PPP1R12C: variants seen among roughly 807,000 people sequenced by gnomAD.
PPP1R12C encodes the protein leukocyte receptor cluster (LRC) encoded novel gene 3.
A neutral mutation model predicts 95.6 loss-of-function variants in PPP1R12C; 48 were observed. That is an observed-to-expected ratio of 0.50 (90% CI 0.40 to 0.64). PPP1R12C has a LOEUF of 0.64. Ranked by LOEUF, PPP1R12C falls within the 30% of genes least tolerant of loss-of-function variation. The probability of loss-of-function intolerance (pLI) is 0.00; values close to 1 mark genes in which losing one functional copy is unlikely to be tolerated. For synonymous variants in PPP1R12C, 480 were observed against 460.8 expected (o/e 1.04, Z -0.53); for missense variants, 1,057 against 1,083.3 (o/e 0.98, Z 0.34).
At chr19:55,094,584 A>C (rs1602974077) in intron 12 of PPP1R12C, 77 bp downstream of exon 12, 1 of 1,527,442 alleles carries the variant, frequency 6.5e-7, no homozygotes, top group East Asian at 2.3e-5. Context: ...GCCCACCCAA[A>C]GCCCCGGGAC....
Position 55,094,806 on chromosome 19 carries a change from A to C in PPP1R12C, c.1455-8T>G. 6.3e-7 allele frequency: 1 copy of C among 1,585,250 alleles called. No homozygotes were observed. Among genetic ancestry groups the C allele is most frequent in the Non-Finnish European group, 8.6e-7 (1 of 1,168,768 alleles). On this transcript the variant is annotated splice_region_variant and splice_polypyrimidine_tract_variant and intron_variant, in intron 11 of 21. Coordinates refer to ENST00000263433, the MANE Select transcript of PPP1R12C (RefSeq NM_017607.4). ...GGCTTGGTGACCTCAGACCTGCATC[A>C]ATTCATTCATTCCACAAACATTACC...
At chr19:55,112,932 T>A in intron 1 of PPP1R12C, 137 bp from the exon 2 acceptor site, 1 of 1,241,666 alleles carries the variant, frequency 8.1e-7, no homozygotes, top group African/African-American at 1.5e-5. Flanking sequence ...CAACAGCCTC[T>A]GGCCACTGGC....
chr19:55,113,946 C>T, intron 1 of PPP1R12C: 1 of 160,714 alleles, frequency 6.2e-6, no homozygotes, highest in South Asian at 1.7e-4. Flanking sequence ...AACCCCTCCC[C>T]ATTCAACCCA....
At position 55,096,305 on chromosome 19, in the gene PPP1R12C, G is replaced by C. The variant is rs202008761; in HGVS notation, c.982C>G (p.Arg328Gly). Residue 328 changes from arginine (R) to glycine (G), a missense_variant, in exon 7 of 22, where the codon CGG (arginine) becomes GGG (glycine). Physicochemically the swap from Arg to Gly is moderately radical, Grantham distance 125 (BLOSUM62 -2). This residue lies in a region of PPP1R12C where 356 missense variants were observed against 330.5 expected (regional missense o/e 1.08). Coordinates refer to ENST00000263433, the MANE Select transcript of PPP1R12C (RefSeq NM_017607.4). ...LRNQKEASQS[R>G]GQEPQAPSSS... is the part of the protein sequence containing the mutation. ...GAGGGCGCTTGGGGCTCCTGGCCCCGGCTCTGGGAAGCTTCTTTTTGGTTC... is the reference window on the plus strand; with the variant it reads ...GAGGGCGCTTGGGGCTCCTGGCCCCCGCTCTGGGAAGCTTCTTTTTGGTTC... The C allele has an allele frequency of 1.2e-6, 2 of 1,613,606 alleles. No homozygotes were observed. Among genetic ancestry groups the C allele is most frequent in the Non-Finnish European group, 1.7e-6 (2 of 1,179,922 alleles).
chr19:55,105,218 CT>C (rs1031021194), intron 3 of PPP1R12C, among the ~76,000 whole-genome samples: 1 of 152,140 alleles, frequency 6.6e-6, no homozygotes, highest in African/African-American at 2.4e-5. Context: ...CCACACCTGG[CT>C]GTGTCATTTC....
intron 7 of PPP1R12C, 28 bp from the exon 8 acceptor site, chr19:55,096,206 T>C (rs1391131829): frequency 6.2e-7 from 1 of 1,612,288 alleles, no homozygotes; most frequent in Non-Finnish European, 8.5e-7. Context: ...GGTGCTGGGG[T>C]ACAAGCCCGG....
chr19:55,117,631 G>C lies in PPP1R12C; in HGVS notation c.-88C>G, dbSNP rs2085171923. The stretch of plus-strand genomic sequence containing the variant: ...CCGCCCGCCCGCCCCGGGGGCCGCC[G>C]GGAACTGCCGCTGGCCCCCCACCGC... On this transcript the variant is annotated 5_prime_UTR_variant, in exon 1 of 22. Transcript: ENST00000263433. The C allele has an allele frequency of 1.3e-6, 1 of 776,974 alleles. No individual in the cohort carries two copies. Among genetic ancestry groups the C allele is most frequent in the Admixed American group, 1.2e-4 (1 of 8,538 alleles). 48.1% of individuals were successfully genotyped at this position (776,974 alleles called of 1,614,324 possible).
At chr19:55,111,037 T>A (rs2085089532) in intron 3 of PPP1R12C, among the ~76,000 whole-genome samples, 1 of 150,420 alleles carries the variant, frequency 6.6e-6, no homozygotes, top group African/African-American at 2.4e-5. Flanking sequence ...AACACAAATC[T>A]ATCAAAAAGT....
At chr19:55,102,514 A>C (rs925579681) in intron 4 of PPP1R12C, among the ~76,000 whole-genome samples, 3 of 152,240 alleles carry the variant, frequency 2.0e-5, no homozygotes, top group African/African-American at 7.2e-5. Flanking sequence ...TCCGTCTCAA[A>C]AACAAACAAA....
chr19:55,104,530 G>C (rs562981271), intron 3 of PPP1R12C, among the ~76,000 whole-genome samples: 2 of 151,278 alleles, frequency 1.3e-5, no homozygotes, highest in African/African-American at 4.9e-5. Flanking sequence ...TGTTGAAACC[G>C]TGTCTCTCCT....
Position 55,094,539 on chromosome 19 carries a change from C to A in PPP1R12C, c.1593-104G>T, listed in dbSNP as rs933951231. ...CAAGTTCTGTGGGAGGGGACTCCAA[C>A]TCCCAGCAGACCTGAGGCCAGCTCT... On this transcript the variant is annotated intron_variant, in intron 12 of 21. Coordinates refer to ENST00000263433, the MANE Select transcript of PPP1R12C (RefSeq NM_017607.4). The A allele has an allele frequency of 3.8e-6, 6 of 1,573,318 alleles. No individual in the cohort carries two copies. The Admixed American group carries it at 5.4e-5, about 14-fold the overall frequency.
At chr19:55,112,416 C>T (rs1427681200) in intron 3 of PPP1R12C, 51 bp downstream of exon 3, 2 of 1,527,754 alleles carry the variant, frequency 1.3e-6, no homozygotes, top group East Asian at 2.3e-5. Context: ...AGCCTGGAGA[C>T]CACGGGTGAG....
chr19:55,094,324 A>T, intron 13 of PPP1R12C, 21 bp downstream of exon 13: 1 of 1,370,392 alleles, frequency 7.3e-7, no homozygotes, highest in South Asian at 1.3e-5. Flanking sequence ...CCAGGAGTCC[A>T]GACCCCAGCC....
At position 55,117,572 on chromosome 19, in the gene PPP1R12C, C is replaced by A; in HGVS notation, c.-29G>T. ...ACCGCCCGCCCGCCCAGCGAGCGAG[C>A]GAGCGCCGAGCCCCAACCGCCGCCA... is the stretch of plus-strand genomic sequence containing the variant. On this transcript the variant is annotated 5_prime_UTR_variant, in exon 1 of 22. Transcript: ENST00000263433. The A allele has an allele frequency of 1.0e-6, 1 of 989,856 alleles. No homozygotes were observed. Among genetic ancestry groups the A allele is most frequent in the South Asian group, 4.5e-5 (1 of 22,082 alleles). The allele number at this position is 989,856 out of a possible 1,614,324, so 61.3% of individuals were successfully genotyped here.
chr19:55,093,109 G>A (rs1442016493), intron 14 of PPP1R12C, 33 bp from the exon 15 acceptor site: 17 of 1,612,816 alleles, frequency 1.1e-5, no homozygotes, highest in African/African-American at 1.3e-5. Flanking sequence ...CAGGGAAGCA[G>A]GACATCCCGC....
Position 55,096,165 on chromosome 19 carries a change from G to A in PPP1R12C, c.1039C>T (p.Arg347Cys), listed in dbSNP as rs756800736. Residue 347 changes from arginine (R) to cysteine (C), a missense_variant, in exon 8 of 22, where the codon CGT becomes TGT. This residue lies in a region of PPP1R12C where 356 missense variants were observed against 330.5 expected (regional missense o/e 1.08). Coordinates refer to ENST00000263433, the MANE Select transcript of PPP1R12C (RefSeq NM_017607.4). ...SSKHRRSSVC[R>C]LSSREKISLQ... ...GAAATCTTCTCGCGACTGCTCAGAC[G>A]ACACACAGAGCTCCTGTTGGGGAAG... The A allele has an allele frequency of 6.2e-7, 1 of 1,605,720 alleles. No individual in the cohort carries two copies. The highest frequency in any genetic ancestry group is 1.1e-5 in the South Asian group (1 of 90,726).
chr19:55,115,015 G>A (rs1347298299), intron 1 of PPP1R12C: 1 of 152,340 alleles, frequency 6.6e-6, no homozygotes, highest in Non-Finnish European at 1.5e-5. Flanking sequence ...AGGGAAGCCT[G>A]AGCGCCTCTC....
chr19:55,092,077 G>T, intron 19 of PPP1R12C, 145 bp downstream of exon 19: 2 of 1,095,284 alleles, frequency 1.8e-6, no homozygotes, highest in Non-Finnish European at 2.6e-6. Context: ...CCCTCGCTCA[G>T]ACTCCGCCTC....
At chr19:55,097,585 C>T (rs1390832248) in intron 6 of PPP1R12C, among the ~76,000 whole-genome samples, 2 of 6,824 alleles carry the variant, frequency 2.9e-4, no homozygotes, top group Non-Finnish European at 4.3e-4. Flanking sequence ...ACCCCTTCCC[C>T]GCGCAGTTCA....
Sources: gnomAD v4.1 joint callset for allele counts (sites outside exome capture counted in the v4.1 genomes callset) on GRCh38, gnomAD v4.1.1 for gene constraint, gnomAD v4.1.1 regional missense constraint, MANE v1.5 for transcripts, NCBI Gene and HGNC (gene_info 2026-07-23, HGNC 2026-07-21) for gene names.